Variants in ZNF385D observed in about 807,000 individuals in gnomAD.
ZNF385D encodes the protein zinc finger protein 385D.
Under a neutral mutation model 35.8 loss-of-function variants are expected in ZNF385D, and 15 were observed. The observed-to-expected ratio is 0.42, with a 90% CI of 0.28 to 0.64. ZNF385D has a LOEUF of 0.64. Ranked by LOEUF, ZNF385D falls within the 30% of genes least tolerant of loss-of-function variation. ZNF385D has a pLI of 0.23. For synonymous variants in ZNF385D, 212 were observed against 186.8 expected (o/e 1.13, Z -1.10); for missense variants, 474 against 494.6 (o/e 0.96, Z 0.39).
chr3:21,799,477 C>T (rs113924319), intron 3 of ZNF385D, among the ~76,000 whole-genome samples: 30 of 150,962 alleles, frequency 2.0e-4, no homozygotes, highest in African/African-American at 6.1e-4. Context: ...TTGTGGTTTC[C>T]GTCTTCATTT....
chr3:21,569,948 C>A (rs894348810), intron 2 of ZNF385D, among the ~76,000 whole-genome samples: 2 of 150,728 alleles, frequency 1.3e-5, no homozygotes, highest in Non-Finnish European at 3.0e-5. Flanking sequence ...AGGAGATATA[C>A]CTAATGCTAA....
chr3:22,345,916 T>C (rs757734466), intron 2 of ZNF385D, among the ~76,000 whole-genome samples: 9 of 152,224 alleles, frequency 5.9e-5, no homozygotes, highest in Non-Finnish European at 1.3e-4. Context: ...ATTCCAGTTC[T>C]AGTGCTCCCA....
At chr3:21,958,414 T>G (rs1446636495) in intron 3 of ZNF385D, among the ~76,000 whole-genome samples, 1 of 152,068 alleles carries the variant, frequency 6.6e-6, no homozygotes, top group Non-Finnish European at 1.5e-5. Flanking sequence ...AAAATGGAAA[T>G]AATAATATTT....
At chr3:22,133,228 C>G (rs1703904261) in intron 3 of ZNF385D, among the ~76,000 whole-genome samples, 1 of 152,154 alleles carries the variant, frequency 6.6e-6, no homozygotes, top group African/African-American at 2.4e-5. Flanking sequence ...TACTTCGTAT[C>G]TTCAACATCC....
At position 22,142,049 on chromosome 3, in the gene ZNF385D, T is replaced by A. The variant is rs1157834349; in HGVS notation, c.325+26768A>T. Reference sequence around the variant, plus strand: ...GCATCATCAGGTTGACAGTTTATTGTGAGTAACTGAAACATGAGAAGAAGA... The same window carrying A: ...GCATCATCAGGTTGACAGTTTATTGAGAGTAACTGAAACATGAGAAGAAGA... On this transcript the variant is annotated intron_variant, in intron 3 of 5. Coordinates refer to the ZNF385D transcript ENST00000494108. Among the ~76,000 whole-genome samples the A allele has an allele frequency of 3.3e-5, 5 of 152,184 alleles. No individual in the cohort carries two copies. In the East Asian group the frequency reaches 9.6e-4, roughly 29 times the overall value.
chr3:21,846,462 T>C (rs116307014), intron 3 of ZNF385D, among the ~76,000 whole-genome samples: 142 of 152,100 alleles, frequency 9.3e-4, no homozygotes, highest in African/African-American at 3.3e-3. Context: ...TTTTCTATGG[T>C]CTTGGAGTTC....
At chr3:21,592,844 C>T (rs2064022588) in intron 2 of ZNF385D, among the ~76,000 whole-genome samples, 1 of 152,180 alleles carries the variant, frequency 6.6e-6, no homozygotes, top group Non-Finnish European at 1.5e-5. Context: ...CATTCTAGAA[C>T]ATAAAGCCAT....
At chr3:22,156,114 T>G (rs935606133) in intron 3 of ZNF385D, among the ~76,000 whole-genome samples, 5 of 152,094 alleles carry the variant, frequency 3.3e-5, no homozygotes, top group Non-Finnish European at 7.4e-5. Context: ...ATACTTGGCA[T>G]TAACACATTC....
chr3:21,911,077 G>A (rs1197202709), intron 3 of ZNF385D, among the ~76,000 whole-genome samples: 1 of 151,824 alleles, frequency 6.6e-6, no homozygotes, highest in Non-Finnish European at 1.5e-5. Flanking sequence ...ATATCTATGT[G>A]TTTTTAAAAT....
In ZNF385D at chr3:21,926,406, T is replaced by TA. The variant is rs558555458; in HGVS notation, c.325+242410dup. Among the ~76,000 whole-genome samples the TA allele has an allele frequency of 3.1e-4, 47 of 152,294 alleles. No homozygotes were observed. The East Asian group carries it at 8.9e-3, about 29-fold the overall frequency. On this transcript the variant is annotated intron_variant, in intron 3 of 5. Transcript: ENST00000494108. ...GTGTTTGGTTTTCTGTTCTTGTGTT[T>TA]AGTTTCCTGAGAATGATGGTTTCCA...
At chr3:22,329,671 A>G (rs1694844810) in intron 2 of ZNF385D, among the ~76,000 whole-genome samples, 1 of 152,306 alleles carries the variant, frequency 6.6e-6, no homozygotes, top group South Asian at 2.1e-4. Context: ...ATAAGAGTAA[A>G]TATTATATAG....
At chr3:22,175,853 T>G (rs1694793769) in intron 2 of ZNF385D, among the ~76,000 whole-genome samples, 1 of 150,090 alleles carries the variant, frequency 6.7e-6, no homozygotes, top group Non-Finnish European at 1.5e-5. Context: ...AATCTTCCTC[T>G]ATATTCAAGA....
intron 2 of ZNF385D, among the ~76,000 whole-genome samples, chr3:22,344,250 G>A (rs907671081): frequency 6.6e-6 from 1 of 151,264 alleles, no homozygotes; most frequent in African/African-American, 2.4e-5. Flanking sequence ...AGAAAAGAAA[G>A]GTTTTGGAGT....
chr3:21,991,046 T>C (rs1695120123), intron 3 of ZNF385D, among the ~76,000 whole-genome samples: 1 of 152,200 alleles, frequency 6.6e-6, no homozygotes, highest in South Asian at 2.1e-4. Context: ...TAATTATCTA[T>C]TTAAAATGTA....
chr3:22,080,959 C>T lies in ZNF385D; in HGVS notation c.325+87858G>A, dbSNP rs568304983. 4.7e-3 allele frequency among the ~76,000 whole-genome samples: 721 copies of T among 152,276 alleles called. 11 individuals carry two copies. Among genetic ancestry groups the T allele is most frequent in the African/African-American group, 0.016 (656 of 41,558 alleles). ...TCCCAACATGCAGAACTGTGAGGAA[C>T]ACATGTTTGTTGTTCATAAGCCACC... On this transcript the variant is annotated intron_variant, in intron 3 of 5. Transcript: ENST00000494108.
intron 2 of ZNF385D, among the ~76,000 whole-genome samples, chr3:22,351,709 G>A (rs1695923677): frequency 6.6e-6 from 1 of 152,022 alleles, no homozygotes; most frequent in South Asian, 2.1e-4. Flanking sequence ...ATATCACAAA[G>A]CACATTAAAG....
intron 3 of ZNF385D, among the ~76,000 whole-genome samples, chr3:21,935,072 TAACTG>T (rs1012933919): frequency 1.3e-5 from 2 of 152,300 alleles, no homozygotes; most frequent in Admixed American, 6.5e-5. Flanking sequence ...CCACATTAAT[TAACTG>T]ATTTGCCTAA....
At chr3:21,484,720 G>A (rs895558267) in intron 4 of ZNF385D, among the ~76,000 whole-genome samples, 1 of 152,088 alleles carries the variant, frequency 6.6e-6, no homozygotes, top group African/African-American at 2.4e-5. Flanking sequence ...AGGAGAGGGA[G>A]AGGTGTGGTA....
chr3:21,887,241 T>C (rs1159934537), intron 3 of ZNF385D, among the ~76,000 whole-genome samples: 2 of 152,212 alleles, frequency 1.3e-5, no homozygotes, highest in African/African-American at 4.8e-5. Context: ...GGCTTGTGGA[T>C]TTAGTCTTAA....
Sources: allele counts gnomAD v4.1 joint callset (sites outside exome capture counted in the v4.1 genomes callset), GRCh38; gene constraint gnomAD v4.1.1; transcripts MANE v1.5; gene names NCBI Gene and HGNC (gene_info 2026-07-23, HGNC 2026-07-21).